STARD9: variants seen among roughly 807,000 people sequenced by gnomAD.
The protein encoded by STARD9 is stAR-related lipid transfer protein 9.
A neutral mutation model predicts 399.8 loss-of-function variants in STARD9; 346 were observed. The ratio of observed to expected loss-of-function variants is 0.87; its 90% CI spans 0.79 to 0.95. The LOEUF is 0.95. STARD9 is among the 40% of genes least tolerant of loss of function. The pLI, the probability that STARD9 is intolerant of heterozygous loss-of-function variation, is 0.00. For synonymous variants in STARD9, 2,203 were observed against 2,143.5 expected (o/e 1.03, Z -0.77); for missense variants, 5,832 against 5,667.5 (o/e 1.03, Z -0.93).
chr15:42,674,861 C>T lies in STARD9; in HGVS notation c.1584C>T (p.Cys528=). The T allele has an allele frequency of 6.5e-7, 1 of 1,536,586 alleles. No individual in the cohort carries two copies. Among genetic ancestry groups the T allele is most frequent in the Non-Finnish European group, 8.7e-7 (1 of 1,146,582 alleles). Reference sequence around the variant, plus strand: ...GTCAGTGGATTGAGAGAGACCACTGCACTATCACCAGTGCCTGTGGTGTAG... The same window carrying T: ...GTCAGTGGATTGAGAGAGACCACTGTACTATCACCAGTGCCTGTGGTGTAG... ...LQGQWIERDH[C]TITSACGVVV... is the part of the protein sequence containing the mutation. The change falls in exon 18 of 33, where the codon TGC becomes TGT. Residue 528 remains cysteine (C), a synonymous_variant. Transcript: ENST00000290607.
chr15:42,712,437 T>G (rs1429981007), intron 26 of STARD9, among the ~76,000 whole-genome samples: 1 of 151,990 alleles, frequency 6.6e-6, no homozygotes, highest in African/African-American at 2.4e-5. Context: ...TCTAAGAGTT[T>G]TATGCTTTTA....
chr15:42,693,876 C>G lies in STARD9; in HGVS notation c.12298C>G (p.Arg4100Gly). The part of the protein sequence containing the change: ...VSELTDTAGL[R>G]GSALGLPQAC... ...TGAGTTGACTGATACTGCAGGGCTC[C>G]GAGGTTCTGCCTTGGGCCTCCCTCA... Residue 4100 changes from arginine to glycine, a missense_variant, in exon 23 of 33, where the codon CGA becomes GGA. By Grantham distance (125) the Arg-to-Gly change is moderately radical (BLOSUM62 -2). Transcript: ENST00000290607. 6.5e-7 allele frequency: 1 copy of G among 1,534,548 alleles called. No homozygotes were observed.
intron 3 of STARD9, among the ~76,000 whole-genome samples, chr15:42,595,996 AAGAC>A (rs959558581): frequency 6.6e-6 from 1 of 152,244 alleles, no homozygotes; most frequent in African/African-American, 2.4e-5. Flanking sequence ...AAACATCTGA[AAGAC>A]AGAGATTCTT....
intron 1 of STARD9, among the ~76,000 whole-genome samples, chr15:42,580,737 G>A (rs1201118008): frequency 2.6e-5 from 4 of 152,032 alleles, no homozygotes; most frequent in African/African-American, 9.7e-5. Context: ...GCTTGAACCC[G>A]GGAGGCAGAG....
intron 26 of STARD9, among the ~76,000 whole-genome samples, chr15:42,715,377 G>A (rs2061330834): frequency 6.6e-6 from 1 of 152,084 alleles, no homozygotes; most frequent in East Asian, 1.9e-4. Context: ...GAGTGAAGAG[G>A]AGGGTTTTAA....
intron 3 of STARD9, among the ~76,000 whole-genome samples, chr15:42,604,673 C>G (rs992647492): frequency 3.6e-5 from 4 of 110,422 alleles, no homozygotes; most frequent in Non-Finnish European, 6.8e-5. Context: ...GGGTCTCTCT[C>G]TGTCCCCCAG....
chr15:42,584,920 T>G (rs994945509), intron 2 of STARD9, among the ~76,000 whole-genome samples: 1 of 152,212 alleles, frequency 6.6e-6, no homozygotes, highest in Non-Finnish European at 1.5e-5. Context: ...CTTCAAAATC[T>G]GAAGCTTTTT....
chr15:42,608,753 G>C (rs747064361), intron 3 of STARD9, among the ~76,000 whole-genome samples: 6 of 152,202 alleles, frequency 3.9e-5, no homozygotes, highest in Non-Finnish European at 8.8e-5. Context: ...TGAAAACGGT[G>C]CTTTGTGGAA....
Position 42,720,598 on chromosome 15 carries a change from T to C in STARD9, c.*1024T>C, listed in dbSNP as rs1201079944. ...GAGAGTGGGTTCAGTTTTCTTGTAC[T>C]TTAGCCTGGCTGAACATGAACTTTG... On this transcript the variant is annotated 3_prime_UTR_variant, in exon 33 of 33. Transcript: ENST00000290607. 6.6e-6 allele frequency: 1 copy of C among 152,172 alleles called. No individual in the cohort carries two copies. The highest frequency in any genetic ancestry group is 6.5e-5 in the Admixed American group (1 of 15,276). The allele number at this position is 152,172 out of a possible 1,614,324, so 9.4% of individuals were successfully genotyped here.
At chr15:42,652,464 A>C in intron 8 of STARD9, 56 bp from the exon 9 acceptor site, 1 of 1,415,990 alleles carries the variant, frequency 7.1e-7, no homozygotes, top group South Asian at 1.2e-5. Flanking sequence ...TGGATCCTTA[A>C]GAATCCACCA....
chr15:42,608,225 C>G (rs1366862044), intron 3 of STARD9, among the ~76,000 whole-genome samples: 1 of 152,122 alleles, frequency 6.6e-6, no homozygotes, highest in Non-Finnish European at 1.5e-5. Context: ...CAGCACTGCC[C>G]TTCTGCAAGC....
intron 26 of STARD9, among the ~76,000 whole-genome samples, chr15:42,696,703 G>T (rs142591139): frequency 6.6e-6 from 1 of 152,174 alleles, no homozygotes; most frequent in South Asian, 2.1e-4. Flanking sequence ...TAGTGAAGAC[G>T]AACAGAGGAG....
intron 3 of STARD9, among the ~76,000 whole-genome samples, chr15:42,626,300 CCCT>C (rs1194597166): frequency 8.8e-6 from 1 of 113,010 alleles, no homozygotes. Flanking sequence ...CCTCTTCCTC[CCCT>C]TCTTCCTCTT....
chr15:42,577,232 C>T lies in STARD9; in HGVS notation c.47+1470C>T, dbSNP rs535923283. ...TGAGTGGCGCGATCTCGGCTCACTG[C>T]AAGCTCCGCCTCCCGGGTTCACGCC... On this transcript the variant is annotated intron_variant, in intron 1 of 32. Transcript: ENST00000290607. 2.0e-3 allele frequency among the ~76,000 whole-genome samples: 302 copies of T among 152,136 alleles called. 4 individuals are homozygous for T. The highest frequency in any genetic ancestry group is 4.1e-4 in the Non-Finnish European group (28 of 68,020).
In STARD9 at chr15:42,689,240, G is replaced by A. The variant is rs1343979540; in HGVS notation, c.7662G>A (p.Glu2554=). The change falls in exon 23 of 33, where the codon GAG becomes GAA. Residue 2554 remains glutamate (E), a synonymous_variant. Coordinates refer to ENST00000290607, the MANE Select transcript of STARD9 (RefSeq NM_020759.3). ...CCATGTGCCTGGCCATCTTGGAGGA[G>A]ATCAGACAGGCAAAGGCCCAGAGAA... is the stretch of plus-strand genomic sequence containing the variant. ...HASMCLAILE[E]IRQAKAQRKQ... 2.6e-6 allele frequency: 4 copies of A among 1,537,270 alleles called. No individual in the cohort carries two copies. Among genetic ancestry groups the A allele is most frequent in the East Asian group, 4.9e-5 (2 of 40,914 alleles).
chr15:42,685,677 C>T lies in STARD9; in HGVS notation c.4099C>T (p.His1367Tyr). The change falls in exon 23 of 33, where the codon CAC becomes TAC. Residue 1367 changes from histidine to tyrosine, a missense_variant. Transcript: ENST00000290607. ...TCCAAGTCCTGATATGCAGGAATTT[C>T]ACTCCTGTAAGGGGGAGAGGCCTGG... ...LCPSPDMQEF[H>Y]SCKGERPGYW... 6.5e-7 allele frequency: 1 copy of T among 1,537,418 alleles called. No individual in the cohort carries two copies. Among genetic ancestry groups the T allele is most frequent in the African/African-American group, 1.4e-5 (1 of 73,176 alleles).
intron 15 of STARD9, among the ~76,000 whole-genome samples, chr15:42,667,555 C>T (rs574738399): frequency 3.3e-5 from 5 of 150,916 alleles, no homozygotes; most frequent in South Asian, 2.1e-4. Context: ...AATCTCGGCT[C>T]GCTGTAACCT....
chr15:42,626,477 ATCCTCT>A (rs1238093598), intron 3 of STARD9, among the ~76,000 whole-genome samples: 54 of 102,934 alleles, frequency 5.2e-4, no homozygotes, highest in Middle Eastern at 7.5e-3. Context: ...CCTCCTCTTC[ATCCTCT>A]TCCTCTTCCT....
rs1055058015 is a variant in STARD9 at position 42,680,515 on chromosome 15, G to A, written c.1875-907G>A. 3.3e-5 allele frequency among the ~76,000 whole-genome samples: 5 copies of A among 152,068 alleles called. No individual in the cohort carries two copies. In the East Asian group the frequency reaches 9.6e-4, roughly 29 times the overall value. On this transcript the variant is annotated intron_variant, in intron 20 of 32. Coordinates refer to ENST00000290607, the MANE Select transcript of STARD9 (RefSeq NM_020759.3). ...CTTGGGAGGCTGAGGCAGGAGAATC[G>A]CTTGAACCCAGGAGGTGGAGGTTGC...
Sources: allele counts gnomAD v4.1 joint callset (sites outside exome capture counted in the v4.1 genomes callset), GRCh38; gene constraint gnomAD v4.1.1; transcripts MANE v1.5; gene names NCBI Gene and HGNC (gene_info 2026-07-23, HGNC 2026-07-21).